Variants in TUSC3 observed in about 807,000 individuals in gnomAD.
TUSC3 encodes tumor suppressor candidate 3, also known as dolichyl-diphosphooligosaccharide--protein glycosyltransferase subunit TUSC3.
In TUSC3, 45 loss-of-function variants were observed where a neutral mutation model predicts 44.8. The ratio of observed to expected loss-of-function variants is 1.00; its 90% CI spans 0.79 to 1.29. The LOEUF is 1.29. TUSC3 is among the 50% of genes most tolerant of loss of function. The pLI, the probability that TUSC3 is intolerant of heterozygous loss-of-function variation, is 0.00. For synonymous variants in TUSC3, 212 were observed against 152.9 expected (o/e 1.39, Z -2.85); for missense variants, 519 against 437.9 (o/e 1.19, Z -1.65).
chr8:15,492,175 G>A (rs1030563912), intron 2 of TUSC3, among the ~76,000 whole-genome samples: 2 of 152,134 alleles, frequency 1.3e-5, no homozygotes, highest in African/African-American at 2.4e-5. Flanking sequence ...TATGTGCAGG[G>A]GGTTGTGGAG....
chr8:15,466,203 G>C (rs1266298686), intron 1 of TUSC3, among the ~76,000 whole-genome samples: 1 of 152,124 alleles, frequency 6.6e-6, no homozygotes, highest in Non-Finnish European at 1.5e-5. Flanking sequence ...CATCTTTTCT[G>C]CCAGGGCCTA....
At chr8:15,603,923 C>T (rs986379949) in intron 1 of TUSC3, among the ~76,000 whole-genome samples, 1 of 151,368 alleles carries the variant, frequency 6.6e-6, no homozygotes, top group Non-Finnish European at 1.5e-5. Context: ...AGTTTAAGAA[C>T]CCTTTTAGAG....
chr8:15,575,234 G>C (rs1803050993), intron 1 of TUSC3, among the ~76,000 whole-genome samples: 1 of 151,940 alleles, frequency 6.6e-6, no homozygotes, highest in African/African-American at 2.4e-5. Context: ...TTGTGTACTT[G>C]ATTTTTAACA....
In TUSC3 at chr8:15,575,849, A is replaced by G. The variant is rs550937483; in HGVS notation, c.138+35281A>G. 5.9e-5 allele frequency among the ~76,000 whole-genome samples: 9 copies of G among 152,222 alleles called. No homozygotes were observed. The East Asian group carries it at 1.7e-3, about 29-fold the overall frequency. On this transcript the variant is annotated intron_variant, in intron 1 of 10. Transcript: ENST00000503731. ...TATCATTTTTTTGTGGAAATTATAC[A>G]TGTTTAGGCTTTAAAAATTGCTTCC... is the stretch of plus-strand genomic sequence containing the variant.
intron 1 of TUSC3, among the ~76,000 whole-genome samples, chr8:15,548,120 G>T (rs1305321829): frequency 6.6e-6 from 1 of 151,650 alleles, no homozygotes; most frequent in African/African-American, 2.4e-5. Flanking sequence ...AGACCTGTGA[G>T]AAATAAATTT....
At chr8:15,678,629 A>G (rs539878431) in intron 6 of TUSC3, among the ~76,000 whole-genome samples, 142 of 152,322 alleles carry the variant, frequency 9.3e-4, no homozygotes, top group Admixed American at 5.0e-3. Context: ...TTTTGTCTTT[A>G]TTTCACATTT....
At chr8:15,610,863 ATC>A (rs939718725) in intron 1 of TUSC3, among the ~76,000 whole-genome samples, 3 of 152,152 alleles carry the variant, frequency 2.0e-5, no homozygotes, top group African/African-American at 7.2e-5. Context: ...CAAAATGTGG[ATC>A]TCTCCTCAGG....
At chr8:15,470,161 G>C (rs1236920609) in intron 1 of TUSC3, among the ~76,000 whole-genome samples, 1 of 150,812 alleles carries the variant, frequency 6.6e-6, no homozygotes, top group Non-Finnish European at 1.5e-5. Context: ...TGTAGTCCCA[G>C]TTACTTGGGA....
In TUSC3 at chr8:15,675,545, C is replaced by T. The variant is rs545034343; in HGVS notation, c.798+1709C>T. On this transcript the variant is annotated intron_variant, in intron 6 of 10. Coordinates refer to ENST00000503731, the MANE Select transcript of TUSC3 (RefSeq NM_006765.4). ...TACTAAGGATTGGGGTATGAATGAT[C>T]TTGTCACCGAAGTACTGAGTATAGT... Among the ~76,000 whole-genome samples, 30 of 151,782 alleles carry T rather than the reference C, an allele frequency of 2.0e-4. No individual in the cohort carries two copies. In the South Asian group the frequency reaches 6.2e-3, roughly 32 times the overall value.
intron 2 of TUSC3, among the ~76,000 whole-genome samples, chr8:15,505,136 A>G (rs1163082734): frequency 1.3e-5 from 2 of 152,204 alleles, no homozygotes; most frequent in South Asian, 2.1e-4. Context: ...GGAATAAATC[A>G]TCTGTCATCC....
the TUSC3 span, among the ~76,000 whole-genome samples, chr8:15,781,206 C>T: frequency 1.3e-5 from 2 of 152,178 alleles, no homozygotes; most frequent in African/African-American, 2.4e-5. Flanking sequence ...AGTTCCTCTC[C>T]CAAGCTGGGT....
the TUSC3 span, among the ~76,000 whole-genome samples, chr8:15,772,848 T>C: frequency 4.6e-5 from 7 of 152,018 alleles, no homozygotes; most frequent in Non-Finnish European, 5.9e-5. Flanking sequence ...GTTCAACATA[T>C]GAGAAAGAAA....
intron 1 of TUSC3, among the ~76,000 whole-genome samples, chr8:15,603,282 A>G (rs976933174): frequency 1.3e-5 from 2 of 151,770 alleles, no homozygotes; most frequent in African/African-American, 4.8e-5. Context: ...ATTAAACATC[A>G]TGGATATGAA....
chr8:15,478,032 A>G (rs1800605411), intron 1 of TUSC3, among the ~76,000 whole-genome samples: 1 of 152,074 alleles, frequency 6.6e-6, no homozygotes, highest in South Asian at 2.1e-4. Context: ...ATCTTGGCTC[A>G]CTGCAAACTC....
intron 8 of TUSC3, among the ~76,000 whole-genome samples, chr8:15,744,291 G>C (rs1457342730): frequency 6.6e-6 from 1 of 152,120 alleles, no homozygotes; most frequent in East Asian, 1.9e-4. Flanking sequence ...GAAGTAAAGA[G>C]TTTTCTAGCA....
Position 15,672,567 on chromosome 8 carries a change from A to G in TUSC3, c.709-1180A>G, listed in dbSNP as rs191568939. On this transcript the variant is annotated intron_variant, in intron 5 of 10. Coordinates refer to ENST00000503731, the MANE Select transcript of TUSC3 (RefSeq NM_006765.4). ...TATAATTTATAAGCCTCCATTCCCAAGTATTATGATAAAATTCTAGGCAAG... is the reference window on the plus strand; with the variant it reads ...TATAATTTATAAGCCTCCATTCCCAGGTATTATGATAAAATTCTAGGCAAG... 5.6e-3 allele frequency among the ~76,000 whole-genome samples: 848 copies of G among 152,124 alleles called. 8 individuals are homozygous for G. The highest frequency in any genetic ancestry group is 0.019 in the African/African-American group (804 of 41,526).
At chr8:15,618,103 C>G (rs1206119046) in intron 1 of TUSC3, among the ~76,000 whole-genome samples, 6 of 152,178 alleles carry the variant, frequency 3.9e-5, no homozygotes, top group Non-Finnish European at 8.8e-5. Flanking sequence ...CTAGGACACT[C>G]TCCATGAATG....
At chr8:15,508,730 G>C (rs1439698741) in intron 2 of TUSC3, among the ~76,000 whole-genome samples, 1 of 151,984 alleles carries the variant, frequency 6.6e-6, no homozygotes, top group Non-Finnish European at 1.5e-5. Flanking sequence ...CAAAGTGCTG[G>C]GATTACAGGC....
At position 15,765,423 on chromosome 8, in the gene TUSC3, T is replaced by G. The variant is rs1035842699; in HGVS notation, c.*1267T>G. 6.6e-6 allele frequency: 1 copy of G among 151,996 alleles called. No homozygotes were observed. Among genetic ancestry groups the G allele is most frequent in the Admixed American group, 6.6e-5 (1 of 15,238 alleles). The allele number at this position is 151,996 out of a possible 1,614,324, so 9.4% of individuals were successfully genotyped here. ...GATTTGAGTAACAGACCATGGAGAA[T>G]TGTTTTCATTGGGAGTTCCAGCTAT... is the stretch of plus-strand genomic sequence containing the variant. On this transcript the variant is annotated 3_prime_UTR_variant, in exon 11 of 11. Transcript: ENST00000503731.
Sources: gnomAD v4.1 joint callset for allele counts (sites outside exome capture counted in the v4.1 genomes callset) on GRCh38, gnomAD v4.1.1 for gene constraint, MANE v1.5 for transcripts, NCBI Gene and HGNC (gene_info 2026-07-23, HGNC 2026-07-21) for gene names.